The following ADARB2 variants were observed in gnomAD, a reference collection of about 807,000 sequenced individuals.
ADARB2 encodes inactive double-stranded RNA-specific editase B2.
In ADARB2, 25 loss-of-function variants were observed where a neutral mutation model predicts 62.2. The observed-to-expected ratio is 0.40, with a 90% CI of 0.29 to 0.56. ADARB2 has a LOEUF of 0.56. Among genes scored for constraint, ADARB2 ranks in the 20% least tolerant of loss-of-function variants. The pLI, the probability that ADARB2 is intolerant of heterozygous loss-of-function variation, is 0.43. For missense variants in ADARB2, 1,071 were observed against 1,077.4 expected (o/e 0.99, Z 0.08); for synonymous variants, 572 against 500.8 (o/e 1.14, Z -1.90).
chr10:1,341,778 G>A (rs568569621), intron 3 of ADARB2, among the ~76,000 whole-genome samples: 1 of 152,164 alleles, frequency 6.6e-6, no homozygotes, highest in African/African-American at 2.4e-5. Flanking sequence ...TCCCTCAGTG[G>A]TGATAATCAG....
At chr10:1,194,513 TATCTATCTATCTA>T (rs1836882388) in intron 8 of ADARB2, among the ~76,000 whole-genome samples, 1 of 104,636 alleles carries the variant, frequency 9.6e-6, no homozygotes, top group Admixed American at 1.2e-4. Flanking sequence ...ATCTATCTAT[TATCTATCTATCTA>T]ATCTATCTAT....
At chr10:1,675,631 G>A (rs965173667) in intron 1 of ADARB2, among the ~76,000 whole-genome samples, 1 of 151,248 alleles carries the variant, frequency 6.6e-6, no homozygotes, top group Non-Finnish European at 1.5e-5. Context: ...ATGTTCTGGA[G>A]GTTTGGGTTC....
chr10:1,416,366 G>C (rs1016019840), intron 1 of ADARB2, among the ~76,000 whole-genome samples: 4 of 152,218 alleles, frequency 2.6e-5, no homozygotes, highest in African/African-American at 7.2e-5. Flanking sequence ...TGTGCCTGTG[G>C]GTGTTTGTTA....
At chr10:1,442,236 G>A (rs1438584651) in intron 1 of ADARB2, among the ~76,000 whole-genome samples, 1 of 152,186 alleles carries the variant, frequency 6.6e-6, no homozygotes, top group African/African-American at 2.4e-5. Flanking sequence ...GGGAAGATCA[G>A]AAGACAGCTC....
At chr10:1,250,127 T>C (rs1831023737) in intron 4 of ADARB2, among the ~76,000 whole-genome samples, 3 of 151,192 alleles carry the variant, frequency 2.0e-5, no homozygotes. Context: ...TAATGAATCC[T>C]CTCTAAATTG....
At chr10:1,230,144 C>T (rs1830790368) in intron 6 of ADARB2, among the ~76,000 whole-genome samples, 1 of 152,200 alleles carries the variant, frequency 6.6e-6, no homozygotes, top group African/African-American at 2.4e-5. Context: ...GCAAAGGTCT[C>T]GGTGGAGGGG....
chr10:1,467,883 G>GTC (rs1319961158), intron 1 of ADARB2, among the ~76,000 whole-genome samples: 2 of 152,138 alleles, frequency 1.3e-5, no homozygotes, highest in Non-Finnish European at 2.9e-5. Context: ...AACGAAAGCC[G>GTC]TCTGTCTGAC....
In ADARB2 at chr10:1,180,176, C is replaced by T. The variant is rs949565533; in HGVS notation, c.*3017G>A. The T allele has an allele frequency of 6.6e-6, 1 of 152,298 alleles. No individual in the cohort carries two copies. The highest frequency in any genetic ancestry group is 2.1e-4 in the South Asian group (1 of 4,838). The allele number at this position is 152,298 out of a possible 1,614,324, so 9.4% of individuals were successfully genotyped here. ...AGAGGTGGCACAGCCCCTCCAGGCA[C>T]ATCCAGGGCTGTGGGAATCCTGGGA... On this transcript the variant is annotated 3_prime_UTR_variant, in exon 10 of 10. Transcript: ENST00000381312.
At chr10:1,431,665 A>C (rs1175007224) in intron 1 of ADARB2, among the ~76,000 whole-genome samples, 1 of 152,206 alleles carries the variant, frequency 6.6e-6, no homozygotes, top group Non-Finnish European at 1.5e-5. Flanking sequence ...GTGAAATGAA[A>C]CTAGTTCTTC....
chr10:1,644,077 T>C (rs529340732), intron 1 of ADARB2, among the ~76,000 whole-genome samples: 1 of 152,346 alleles, frequency 6.6e-6, no homozygotes, highest in Non-Finnish European at 1.5e-5. Context: ...TGGAAGCAGC[T>C]AATGCGGGGA....
At chr10:1,195,983 G>A (rs1413967992) in intron 8 of ADARB2, among the ~76,000 whole-genome samples, 2 of 152,134 alleles carry the variant, frequency 1.3e-5, no homozygotes, top group African/African-American at 2.4e-5. Context: ...TTGGTGAGAA[G>A]GGAGAGGAAG....
intron 1 of ADARB2, among the ~76,000 whole-genome samples, chr10:1,677,308 G>A (rs1382427263): frequency 2.0e-5 from 3 of 152,208 alleles, no homozygotes; most frequent in Non-Finnish European, 2.9e-5. Flanking sequence ...TCAGCAGCAG[G>A]ACTTGTTTTA....
intron 4 of ADARB2, among the ~76,000 whole-genome samples, chr10:1,262,287 TATAATAATA>T (rs55721350): frequency 0.043 from 5,890 of 135,740 alleles, 641 homozygotes; most frequent in African/African-American, 0.14. Flanking sequence ...AAACTTAAAG[TATAATAATA>T]ATAATAATAA....
At chr10:1,608,632 G>T (rs1833524747) in intron 1 of ADARB2, among the ~76,000 whole-genome samples, 1 of 149,984 alleles carries the variant, frequency 6.7e-6, no homozygotes, top group Admixed American at 6.7e-5. Context: ...AAAGAGAAAT[G>T]AAGGGAGGGA....
intron 1 of ADARB2, among the ~76,000 whole-genome samples, chr10:1,583,368 C>G (rs975784462): frequency 1.6e-4 from 25 of 152,164 alleles, no homozygotes; most frequent in Non-Finnish European, 2.9e-4. Context: ...GCTTTCAAGT[C>G]TGATTTATCA....
intron 9 of ADARB2, among the ~76,000 whole-genome samples, chr10:1,184,341 T>C (rs1235674034): frequency 6.6e-6 from 1 of 152,198 alleles, no homozygotes; most frequent in Admixed American, 6.5e-5. Context: ...TGATTTAAAA[T>C]CCAGAAATAT....
intron 1 of ADARB2, among the ~76,000 whole-genome samples, chr10:1,629,451 G>A (rs1429577123): frequency 1.3e-5 from 2 of 151,888 alleles, no homozygotes; most frequent in Non-Finnish European, 1.5e-5. Context: ...AAGCCTCAGC[G>A]CTCAAGCACC....
intron 1 of ADARB2, among the ~76,000 whole-genome samples, chr10:1,640,794 G>C (rs1461628104): frequency 1.3e-5 from 2 of 152,168 alleles, no homozygotes; most frequent in Non-Finnish European, 2.9e-5. Flanking sequence ...ATATTAGTGA[G>C]AAGATAGACG....
intron 1 of ADARB2, among the ~76,000 whole-genome samples, chr10:1,385,282 T>C (rs142393884): frequency 6.6e-6 from 1 of 152,218 alleles, no homozygotes; most frequent in East Asian, 1.9e-4. Flanking sequence ...CAGGAGAATA[T>C]GACCAATCAT....
Sources: allele counts gnomAD v4.1 joint callset (sites outside exome capture counted in the v4.1 genomes callset), GRCh38; gene constraint gnomAD v4.1.1; transcripts MANE v1.5; gene names NCBI Gene and HGNC (gene_info 2026-07-23, HGNC 2026-07-21).